The following ZNF423 variants were observed in gnomAD, a reference collection of about 807,000 sequenced individuals.
ZNF423 encodes the protein Ebf-associated zinc finger protein.
ZNF423 carries 12 observed loss-of-function variants against 95.8 expected under a neutral mutation model. That is an observed-to-expected ratio of 0.13 (90% CI 0.08 to 0.20). ZNF423 has a LOEUF of 0.20. Among genes scored for constraint, ZNF423 ranks in the 10% least tolerant of loss-of-function variants. The probability of loss-of-function intolerance (pLI) is 1.00; values close to 1 mark genes in which losing one functional copy is unlikely to be tolerated. For missense variants in ZNF423, 1,316 were observed against 1,737.1 expected (o/e 0.76, Z 4.31); for synonymous variants, 749 against 711.9 (o/e 1.05, Z -0.83).
intron 7 of ZNF423, among the ~76,000 whole-genome samples, chr16:49,500,901 A>G (rs969935030): frequency 5.7e-5 from 8 of 141,270 alleles, no homozygotes; most frequent in African/African-American, 7.9e-5. Flanking sequence ...GACCTCATTT[A>G]AAAAAAAAAA....
intron 5 of ZNF423, among the ~76,000 whole-genome samples, chr16:49,584,770 G>A (rs1970772825): frequency 1.3e-5 from 2 of 152,058 alleles, no homozygotes; most frequent in African/African-American, 2.4e-5. Flanking sequence ...ATTGTATTAG[G>A]GCCCAACTGA....
intron 7 of ZNF423, among the ~76,000 whole-genome samples, chr16:49,502,913 TAC>T (rs55819934): frequency 0.11 from 13,992 of 122,306 alleles, 882 homozygotes; most frequent in South Asian, 0.2. Flanking sequence ...TGTGCACGCA[TAC>T]ACACACACAC....
intron 1 of ZNF423, among the ~76,000 whole-genome samples, chr16:49,852,952 T>G (rs1264022597): frequency 6.6e-6 from 1 of 152,214 alleles, no homozygotes; most frequent in African/African-American, 2.4e-5. Context: ...CAGCAATGCC[T>G]GTGCTTTCAA....
upstream of ZNF423, among the ~76,000 whole-genome samples, chr16:49,858,314 G>T (rs149600709): frequency 0.16 from 24,022 of 150,812 alleles, 2,221 homozygotes; most frequent in African/African-American, 0.24. This position sits in a 1 kb window ranked among gnomAD's most constrained non-coding sequence, Gnocchi z 4.3. Flanking sequence ...GCCCGGCCCC[G>T]CTCAGCTCTC....
At chr16:49,703,246 T>C (rs965522284) in intron 3 of ZNF423, among the ~76,000 whole-genome samples, 15 of 152,220 alleles carry the variant, frequency 9.9e-5, no homozygotes, top group African/African-American at 3.6e-4. Context: ...TGAAAACATT[T>C]ATTCTTTTTG....
chr16:49,560,998 G>A (rs1969999731), intron 5 of ZNF423, among the ~76,000 whole-genome samples: 1 of 152,176 alleles, frequency 6.6e-6, no homozygotes, highest in Non-Finnish European at 1.5e-5. Flanking sequence ...CTGGCACTTG[G>A]GAAAACACAG....
intron 3 of ZNF423, among the ~76,000 whole-genome samples, chr16:49,714,255 T>C (rs923044073): frequency 6.6e-6 from 1 of 152,140 alleles, no homozygotes; most frequent in African/African-American, 2.4e-5. Flanking sequence ...ACCCGGTGCT[T>C]ACCTCCTTAT....
At chr16:49,849,930 A>G (rs2035285285) in intron 1 of ZNF423, among the ~76,000 whole-genome samples, 1 of 152,212 alleles carries the variant, frequency 6.6e-6, no homozygotes, top group Non-Finnish European at 1.5e-5. Context: ...TGACAATACA[A>G]TAGCTTTCAA....
intron 1 of ZNF423, among the ~76,000 whole-genome samples, chr16:49,842,896 T>C (rs774709925): frequency 1.3e-5 from 2 of 151,474 alleles, no homozygotes; most frequent in African/African-American, 2.4e-5. Flanking sequence ...GGAGAATCAC[T>C]TGAACCCGGG....
At chr16:49,553,273 G>A (rs890530416) in intron 5 of ZNF423, among the ~76,000 whole-genome samples, 1 of 152,028 alleles carries the variant, frequency 6.6e-6, no homozygotes, top group Non-Finnish European at 1.5e-5. Flanking sequence ...TAATAATTAC[G>A]ACAGTTTCAA....
At chr16:49,728,652 T>C (rs947793480) in intron 3 of ZNF423, among the ~76,000 whole-genome samples, 5 of 152,242 alleles carry the variant, frequency 3.3e-5, no homozygotes, top group Admixed American at 6.5e-5. Context: ...CAGTTCTTAT[T>C]TCTGGCTCAG....
intron 2 of ZNF423, among the ~76,000 whole-genome samples, chr16:49,735,608 G>T (rs964999543): frequency 6.6e-6 from 1 of 152,182 alleles, no homozygotes; most frequent in African/African-American, 2.4e-5. Context: ...TGCTATTCTA[G>T]ACTTCTGAGG....
chr16:49,720,105 C>A (rs1332574364), intron 3 of ZNF423, among the ~76,000 whole-genome samples: 2 of 152,170 alleles, frequency 1.3e-5, no homozygotes, highest in African/African-American at 4.8e-5. Flanking sequence ...GCACTGCCCC[C>A]AAAGGACCAA....
At chr16:49,721,951 G>A (rs1016263005) in intron 3 of ZNF423, among the ~76,000 whole-genome samples, 9 of 152,194 alleles carry the variant, frequency 5.9e-5, no homozygotes, top group Admixed American at 4.6e-4. Flanking sequence ...CCAACAGTGT[G>A]ATAACAGCAT....
At chr16:49,564,511 A>T (rs1390710715) in intron 5 of ZNF423, among the ~76,000 whole-genome samples, 1 of 152,192 alleles carries the variant, frequency 6.6e-6, no homozygotes, top group Non-Finnish European at 1.5e-5. Flanking sequence ...TCCCTTAAAC[A>T]TATGAAATCA....
At chr16:49,838,951 G>A (rs1008979153) in intron 1 of ZNF423, among the ~76,000 whole-genome samples, 2 of 151,870 alleles carry the variant, frequency 1.3e-5, no homozygotes, top group African/African-American at 4.8e-5. Context: ...ACAAGGGCCC[G>A]GGAGGGGCTG....
intron 3 of ZNF423, chr16:49,664,252 C>A: frequency 1.0e-6 from 1 of 985,572 alleles, no homozygotes; most frequent in Non-Finnish European, 1.2e-6. Flanking sequence ...CGCATCCCCA[C>A]CCGGCCGCCT....
At chr16:49,837,256 C>A (rs955619428) in intron 1 of ZNF423, among the ~76,000 whole-genome samples, 28 of 152,150 alleles carry the variant, frequency 1.8e-4, no homozygotes, top group African/African-American at 6.8e-4. Flanking sequence ...AGCCTGCCTG[C>A]CAGCTGGACA....
intron 3 of ZNF423, among the ~76,000 whole-genome samples, chr16:49,646,573 TC>T (rs373400533): frequency 7.0e-6 from 1 of 142,640 alleles, no homozygotes; most frequent in Non-Finnish European, 1.5e-5. Flanking sequence ...CTTTTCTTTT[TC>T]TTTTTTTTTT....
Sources: gnomAD v4.1 joint callset for allele counts (sites outside exome capture counted in the v4.1 genomes callset) on GRCh38, gnomAD v4.1.1 for gene constraint, Gnocchi (gnomAD v3.1) non-coding constraint, MANE v1.5 for transcripts, NCBI Gene and HGNC (gene_info 2026-07-23, HGNC 2026-07-21) for gene names.